DENND1B: variants seen among roughly 807,000 people sequenced by gnomAD.
DENND1B encodes the protein DENN domain-containing protein 1B.
In DENND1B, 59 loss-of-function variants were observed where a neutral mutation model predicts 90.1. That is an observed-to-expected ratio of 0.65 (90% CI 0.53 to 0.81). The LOEUF (loss-of-function observed/expected upper bound fraction) is 0.81. DENND1B is among the 40% of genes least tolerant of loss of function. The pLI, the probability that DENND1B is intolerant of heterozygous loss-of-function variation, is 0.00. For synonymous variants in DENND1B, 337 were observed against 324.6 expected, an observed-to-expected ratio of 1.04 and a Z score of -0.41; for missense variants, 862 against 912.6, an observed-to-expected ratio of 0.94 and a Z score of 0.71.
chr1:197,642,600 T>C, intron 10 of DENND1B, 111 bp downstream of exon 10: 1 of 651,788 alleles, frequency 1.5e-6, no homozygotes, highest in Non-Finnish European at 2.5e-6. Flanking sequence ...AAAACGTATG[T>C]AGATATTGTC....
intron 15 of DENND1B, among the ~76,000 whole-genome samples, chr1:197,580,087 C>CTTTTTTTTTTTTTTTTTTTTTTT (rs139056668): frequency 1.3e-5 from 1 of 76,758 alleles, no homozygotes. Flanking sequence ...TTCTTTCTTT[C>CTTTTTTTTTTTTTTTTTTTTTTT]TTTTTTTTTT....
intron 12 of DENND1B, among the ~76,000 whole-genome samples, chr1:197,607,745 A>T (rs1487430035): frequency 6.6e-6 from 1 of 150,818 alleles, no homozygotes; most frequent in Non-Finnish European, 1.5e-5. Flanking sequence ...TTTCAACAGA[A>T]GGTACCAAAT....
intron 20 of DENND1B, among the ~76,000 whole-genome samples, chr1:197,538,656 ATTTTTTTTTTTTTTT>A (rs67761711): frequency 2.8e-5 from 3 of 105,882 alleles, no homozygotes; most frequent in African/African-American, 7.6e-5. Flanking sequence ...AATTAATGGG[ATTTTTTTTTTTTTTT>A]TTTTTTTTTT....
chr1:197,573,555 T>C (rs932627925), intron 15 of DENND1B, among the ~76,000 whole-genome samples: 1 of 152,156 alleles, frequency 6.6e-6, no homozygotes, highest in Admixed American at 6.5e-5. Context: ...CTTCTGAAAC[T>C]ATTACAATCA....
intron 16 of DENND1B, among the ~76,000 whole-genome samples, chr1:197,550,604 T>C (rs937097840): frequency 2.7e-5 from 4 of 148,626 alleles, no homozygotes; most frequent in African/African-American, 5.0e-5. Flanking sequence ...TAGGTGGGAA[T>C]TGAACAATGA....
intron 20 of DENND1B, among the ~76,000 whole-genome samples, chr1:197,538,425 T>C (rs1670077078): frequency 6.6e-6 from 1 of 152,170 alleles, no homozygotes; most frequent in African/African-American, 2.4e-5. Flanking sequence ...ATTATTTTAT[T>C]GAAGGGCTTA....
At chr1:197,536,980 G>T (rs1035917881) in intron 20 of DENND1B, among the ~76,000 whole-genome samples, 16 of 151,422 alleles carry the variant, frequency 1.1e-4, no homozygotes, top group African/African-American at 3.4e-4. Flanking sequence ...GGCGGAGCTT[G>T]CAGTGAGCCG....
intron 13 of DENND1B, among the ~76,000 whole-genome samples, chr1:197,605,009 C>T (rs1355156312): frequency 6.6e-6 from 1 of 151,024 alleles, no homozygotes; most frequent in Non-Finnish European, 1.5e-5. Context: ...GGTCCTAGCT[C>T]CATCTCAGAA....
At chr1:197,620,921 TAGG>T (rs1387509622) in intron 10 of DENND1B, among the ~76,000 whole-genome samples, 1 of 151,328 alleles carries the variant, frequency 6.6e-6, no homozygotes, top group East Asian at 2.0e-4. Context: ...CTATTTTAGA[TAGG>T]AGGATTACAG....
chr1:197,683,725 A>T (rs1237996261), intron 3 of DENND1B, among the ~76,000 whole-genome samples: 1 of 152,202 alleles, frequency 6.6e-6, no homozygotes, highest in Non-Finnish European at 1.5e-5. Flanking sequence ...TCATATTCTC[A>T]AGCATGAAAT....
intron 15 of DENND1B, among the ~76,000 whole-genome samples, chr1:197,568,870 A>T (rs1672912382): frequency 6.6e-6 from 1 of 152,150 alleles, no homozygotes. Flanking sequence ...AAGAAAACAC[A>T]GGGGAAAAGC....
At chr1:197,760,641 C>CAA (rs1265014598) in intron 2 of DENND1B, among the ~76,000 whole-genome samples, 26 of 72,216 alleles carry the variant, frequency 3.6e-4, no homozygotes, top group African/African-American at 5.8e-4. Flanking sequence ...GACCTTGTCT[C>CAA]AAAAAAAAAA....
intron 6 of DENND1B, among the ~76,000 whole-genome samples, chr1:197,654,609 C>CA (rs34779798): frequency 1.8e-3 from 216 of 122,754 alleles, no homozygotes; most frequent in East Asian, 4.9e-3. Flanking sequence ...GACTCCGTCT[C>CA]AAAAAAAAAA....
Position 197,566,937 on chromosome 1 carries a change from T to C in DENND1B, c.1150-13825A>G, listed in dbSNP as rs574452969. On this transcript the variant is annotated intron_variant, in intron 15 of 22. Coordinates refer to ENST00000620048, the MANE Select transcript of DENND1B (RefSeq NM_001195215.2). ...AACAAGTATATGTGCATTTCTTCAT[T>C]CATTTATTCCTAGAGGGACAGTAAA... is the stretch of plus-strand genomic sequence containing the variant. Among the ~76,000 whole-genome samples the C allele has an allele frequency of 2.0e-5, 3 of 152,250 alleles. No individual in the cohort carries two copies. The South Asian group carries it at 6.2e-4, about 32-fold the overall frequency.
intron 12 of DENND1B, among the ~76,000 whole-genome samples, chr1:197,609,375 C>T (rs1257719486): frequency 1.3e-5 from 2 of 150,470 alleles, no homozygotes; most frequent in Non-Finnish European, 3.0e-5. Context: ...CCTGGGTCAA[C>T]ATTTTATTTA....
chr1:197,740,705 A>T (rs1344202211), intron 2 of DENND1B, among the ~76,000 whole-genome samples: 1 of 152,188 alleles, frequency 6.6e-6, no homozygotes, highest in South Asian at 2.1e-4. Context: ...AACTTGAGTC[A>T]AGAAAGGAAA....
chr1:197,781,957 G>A, the DENND1B span, among the ~76,000 whole-genome samples: 1 of 152,122 alleles, frequency 6.6e-6, no homozygotes, highest in Non-Finnish European at 1.5e-5. Context: ...TTTTTCAGGT[G>A]ATTTGCCAAA....
At chr1:197,644,627 C>G (rs1333858201) in intron 9 of DENND1B, among the ~76,000 whole-genome samples, 1 of 107,796 alleles carries the variant, frequency 9.3e-6, no homozygotes, top group Non-Finnish European at 2.3e-5. Context: ...CATTATGTCA[C>G]CTGAGAGCTT....
chr1:197,758,047 G>C (rs1654536102), intron 2 of DENND1B, among the ~76,000 whole-genome samples: 1 of 152,144 alleles, frequency 6.6e-6, no homozygotes, highest in African/African-American at 2.4e-5. Context: ...TGTTGCTGAA[G>C]TTGTACATGT....
Sources: gnomAD v4.1 joint callset for allele counts (sites outside exome capture counted in the v4.1 genomes callset) on GRCh38, gnomAD v4.1.1 for gene constraint, MANE v1.5 for transcripts, NCBI Gene and HGNC (gene_info 2026-07-23, HGNC 2026-07-21) for gene names.